The following RBMS3 variants were observed in gnomAD, a reference collection of about 807,000 sequenced individuals.
RBMS3 encodes RNA-binding motif, single-stranded-interacting protein 3.
RBMS3 carries 27 observed loss-of-function variants against 66.8 expected under a neutral mutation model. The observed-to-expected ratio is 0.40, with a 90% CI of 0.30 to 0.56. The LOEUF (loss-of-function observed/expected upper bound fraction) is 0.56, where lower values mean the gene tolerates loss of function less well. Ranked by LOEUF, RBMS3 falls within the 20% of genes least tolerant of loss-of-function variation. RBMS3 has a pLI of 0.40. For missense variants in RBMS3, 513 were observed against 549.5 expected, an observed-to-expected ratio of 0.93 and a Z score of 0.66; for synonymous variants, 188 against 183.0, an observed-to-expected ratio of 1.03 and a Z score of -0.22.
chr3:30,003,440 A>G (rs551447201), intron 14 of RBMS3, among the ~76,000 whole-genome samples: 4 of 152,058 alleles, frequency 2.6e-5, no homozygotes, highest in Non-Finnish European at 5.9e-5. Context: ...TGTCTCACTT[A>G]TTTCCTCAGG....
intron 12 of RBMS3, among the ~76,000 whole-genome samples, chr3:29,984,653 C>A (rs1368782649): frequency 1.3e-5 from 2 of 152,136 alleles, no homozygotes; most frequent in African/African-American, 4.8e-5. Flanking sequence ...AGTTTTCCTT[C>A]TAACAGTCAA....
At chr3:29,360,804 G>A (rs760151430) in intron 1 of RBMS3, among the ~76,000 whole-genome samples, 1 of 151,924 alleles carries the variant, frequency 6.6e-6, no homozygotes, top group Non-Finnish European at 1.5e-5. Flanking sequence ...TTATGTAATG[G>A]CCTTCTTTGT....
chr3:29,824,872 A>G (rs1042835119), intron 6 of RBMS3, among the ~76,000 whole-genome samples: 8 of 152,162 alleles, frequency 5.3e-5, no homozygotes, highest in Admixed American at 3.9e-4. Context: ...ATTTACATCA[A>G]ATAATGTATG....
At chr3:29,444,610 G>C (rs1464258143) in intron 2 of RBMS3, among the ~76,000 whole-genome samples, 1 of 151,786 alleles carries the variant, frequency 6.6e-6, no homozygotes, top group Non-Finnish European at 1.5e-5. Flanking sequence ...GAAATGTGTT[G>C]AATACTTGCT....
At chr3:29,845,687 T>A (rs1213967554) in intron 6 of RBMS3, among the ~76,000 whole-genome samples, 1 of 152,234 alleles carries the variant, frequency 6.6e-6, no homozygotes, top group Non-Finnish European at 1.5e-5. Context: ...GCTCTCATAA[T>A]ATTTGAATTC....
intron 12 of RBMS3, among the ~76,000 whole-genome samples, chr3:29,964,518 G>A (rs368872612): frequency 7.2e-5 from 11 of 151,810 alleles, no homozygotes; most frequent in East Asian, 1.9e-4. Flanking sequence ...CTCTTCTCCC[G>A]GGCTTTTCTA....
rs35124957 is a variant in RBMS3, at chr3:29,625,700, G to GTAAATAAATAAA, written c.399+38524_399+38535dup. On this transcript the variant is annotated intron_variant, in intron 4 of 14. Transcript: ENST00000383767. The stretch of plus-strand genomic sequence containing the variant: ...GCAAAAAGAGTGAAACGCCATTAAA[G>GTAAATAAATAAA]TAAATAAATAAATAAATAAATAAAT... 2.3e-3 allele frequency among the ~76,000 whole-genome samples: 315 copies of GTAAATAAATAAA among 139,986 alleles called. 1 individual carries two copies. Among genetic ancestry groups the GTAAATAAATAAA allele is most frequent in the African/African-American group, 7.5e-3 (271 of 35,940 alleles). 91.8% of individuals were successfully genotyped at this position (139,986 alleles called of 152,430 possible).
chr3:29,408,734 G>A (rs180915218), intron 1 of RBMS3, among the ~76,000 whole-genome samples: 61 of 152,154 alleles, frequency 4.0e-4, no homozygotes, highest in Non-Finnish European at 6.2e-4. Flanking sequence ...TTGTGTAATC[G>A]CTGTACCAAC....
At chr3:29,988,576 C>CTCAAAG (rs373479061) in intron 13 of RBMS3, among the ~76,000 whole-genome samples, 599 of 152,280 alleles carry the variant, frequency 3.9e-3, no homozygotes, top group African/African-American at 0.013. Flanking sequence ...TGCCTTGTTC[C>CTCAAAG]TCAAAGAGTG....
chr3:29,848,947 G>A (rs780298900), intron 6 of RBMS3, among the ~76,000 whole-genome samples: 18 of 152,096 alleles, frequency 1.2e-4, no homozygotes, highest in Non-Finnish European at 1.9e-4. Flanking sequence ...TTTGCTCCTT[G>A]AAGTGCAATT....
Position 29,899,615 on chromosome 3 carries a change from T to C in RBMS3, c.889-90T>C, listed in dbSNP as rs1045983298. ...AACTGTAAAGTCAGGTGGACTCCAC[T>C]TTCTTATGACCTAGTGTGACTCCAC... On this transcript the variant is annotated intron_variant, in intron 9 of 14. Coordinates refer to ENST00000383767, the MANE Select transcript of RBMS3 (RefSeq NM_001003793.3). 18 of 1,145,172 alleles carry C rather than the reference T, an allele frequency of 1.6e-5. No homozygotes were observed. The African/African-American group carries it at 2.7e-4, about 17-fold the overall frequency. The allele number at this position is 1,145,172 out of a possible 1,614,324, so 70.9% of individuals were successfully genotyped here.
intron 1 of RBMS3, among the ~76,000 whole-genome samples, chr3:29,305,493 G>C (rs2033947538): frequency 6.6e-6 from 1 of 151,874 alleles, no homozygotes; most frequent in South Asian, 2.1e-4. Flanking sequence ...CCTAGACCTG[G>C]TTCTGTTCTC....
intron 3 of RBMS3, among the ~76,000 whole-genome samples, chr3:29,547,949 C>T (rs2046029043): frequency 6.6e-6 from 1 of 151,786 alleles, no homozygotes; most frequent in Non-Finnish European, 1.5e-5. Flanking sequence ...CATGCACCAC[C>T]ACCCCTGGCT....
At chr3:29,516,810 C>G (rs958689098) in intron 3 of RBMS3, among the ~76,000 whole-genome samples, 1 of 152,108 alleles carries the variant, frequency 6.6e-6, no homozygotes, top group African/African-American at 2.4e-5. Flanking sequence ...AAATGAAATG[C>G]TCAACAGTAT....
intron 6 of RBMS3, among the ~76,000 whole-genome samples, chr3:29,849,107 T>C (rs1430312547): frequency 1.1e-4 from 17 of 152,226 alleles, no homozygotes; most frequent in Admixed American, 9.8e-4. Flanking sequence ...CATTTTTGAA[T>C]ATTGTCTTTC....
intron 2 of RBMS3, among the ~76,000 whole-genome samples, chr3:29,454,188 C>T (rs1040726313): frequency 6.6e-6 from 1 of 152,126 alleles, no homozygotes; most frequent in Non-Finnish European, 1.5e-5. Context: ...GTAGGTATTC[C>T]CCTCCTGGGA....
intron 3 of RBMS3, among the ~76,000 whole-genome samples, chr3:29,547,169 T>G (rs1393514521): frequency 6.6e-6 from 1 of 152,094 alleles, no homozygotes; most frequent in Non-Finnish European, 1.5e-5. Flanking sequence ...CTGGCAACAT[T>G]GTCCAGGCTG....
intron 6 of RBMS3, among the ~76,000 whole-genome samples, chr3:29,812,612 G>A (rs1282061114): frequency 6.6e-6 from 1 of 152,204 alleles, no homozygotes; most frequent in African/African-American, 2.4e-5. Context: ...CTAAAACTTG[G>A]AATGGAAGGC....
intron 1 of RBMS3, among the ~76,000 whole-genome samples, chr3:29,376,763 T>TG (rs1396146894): frequency 1.3e-5 from 2 of 151,988 alleles, no homozygotes; most frequent in African/African-American, 4.8e-5. Context: ...AAAAATTACC[T>TG]GGCGTGGTGG....
Sources: gnomAD v4.1 joint callset for allele counts (sites outside exome capture counted in the v4.1 genomes callset) on GRCh38, gnomAD v4.1.1 for gene constraint, MANE v1.5 for transcripts, NCBI Gene and HGNC (gene_info 2026-07-23, HGNC 2026-07-21) for gene names.